Variants in EIF1 observed in about 807,000 individuals in gnomAD.
EIF1 encodes the protein protein translation factor SUI1 homolog.
A neutral mutation model predicts 13.7 loss-of-function variants in EIF1; 4 were observed. That is an observed-to-expected ratio of 0.29 (90% CI 0.14 to 0.67). The LOEUF (loss-of-function observed/expected upper bound fraction) is 0.67. Among genes scored for constraint, EIF1 ranks in the 30% least tolerant of loss-of-function variants. EIF1 has a pLI of 0.77. For synonymous variants in EIF1, 67 were observed against 50.7 expected (o/e 1.32, Z -1.37); for missense variants, 64 against 138.0 (o/e 0.46, Z 2.69).
In EIF1 at chr17:41,689,952, AGT is replaced by A. The variant is rs761506956; in HGVS notation, c.195+13_195+14del. On this transcript the variant is annotated intron_variant, in intron 2 of 3. Coordinates refer to ENST00000469257, the MANE Select transcript of EIF1 (RefSeq NM_005801.4). ...AAGGCGTTTAAGAAAGTAGGTCTTC[AGT>A]GAGATTTTGGGAAAGTCATAATGGA... The A allele has an allele frequency of 1.9e-6, 3 of 1,609,816 alleles. No individual in the cohort carries two copies. In the African/African-American group the frequency reaches 4.0e-5, roughly 22 times the overall value.
At chr17:41,690,283 T>G (rs1302298722) in intron 3 of EIF1, 94 bp downstream of exon 3, 1 of 1,041,860 alleles carries the variant, frequency 9.6e-7, no homozygotes, top group Non-Finnish European at 1.5e-6. Context: ...GTTGGCTTTG[T>G]AAGGCTGAGC....
rs930796431 is a variant in EIF1 at position 41,691,088 on chromosome 17, A to G, written c.*262A>G. On this transcript the variant is annotated 3_prime_UTR_variant, in exon 4 of 4. Coordinates refer to ENST00000469257, the MANE Select transcript of EIF1 (RefSeq NM_005801.4). Reference sequence around the variant, plus strand: ...AAGCCTGAAACCAAGCAATACCGTCATGTTTCAGCCAAGCCCAGAGCCCTA... The same window carrying G: ...AAGCCTGAAACCAAGCAATACCGTCGTGTTTCAGCCAAGCCCAGAGCCCTA... 2.3e-5 allele frequency: 13 copies of G among 563,330 alleles called. No homozygotes were observed. The African/African-American group carries it at 2.4e-4, about 11-fold the overall frequency. 34.9% of individuals were successfully genotyped at this position (563,330 alleles called of 1,614,324 possible).
chr17:41,689,113 C>T, intron 1 of EIF1, 44 bp downstream of exon 1: 2 of 1,606,362 alleles, frequency 1.2e-6, no homozygotes, highest in Non-Finnish European at 1.7e-6. Flanking sequence ...GGCAGCGGGG[C>T]CTTCCGGGCC....
intron 1 of EIF1, 45 bp downstream of exon 1, chr17:41,689,114 C>T (rs1023904962): frequency 3.0e-5 from 48 of 1,607,052 alleles, no homozygotes; most frequent in Non-Finnish European, 3.6e-5. Flanking sequence ...GCAGCGGGGC[C>T]TTCCGGGCCC....
Position 41,689,492 on chromosome 17 carries a change from C to T in EIF1, c.32-286C>T, listed in dbSNP as rs551302766. 166 of 447,202 alleles carry T rather than the reference C, an allele frequency of 3.7e-4. 1 individual carries two copies. In the East Asian group the frequency reaches 6.3e-3, roughly 17 times the overall value. The allele number at this position is 447,202 out of a possible 1,614,324, so 27.7% of individuals were successfully genotyped here. On this transcript the variant is annotated intron_variant, in intron 1 of 3. Coordinates refer to ENST00000469257, the MANE Select transcript of EIF1 (RefSeq NM_005801.4). ...CCCGCCTCGGGAGCTCGGGTTCCGG[C>T]GGGTTGCATCAGCTGGGTGGGGCAC...
chr17:41,690,572 G>A (rs1910344405), intron 3 of EIF1: 3 of 583,398 alleles, frequency 5.1e-6, no homozygotes, highest in African/African-American at 3.7e-5. Flanking sequence ...GATACCTGAT[G>A]AGTCTCATTC....
In EIF1 at chr17:41,689,774, T is replaced by C. The variant is rs867539647; in HGVS notation, c.32-4T>C. On this transcript the variant is annotated splice_polypyrimidine_tract_variant and splice_region_variant and intron_variant, in intron 1 of 3. Transcript: ENST00000469257. ...CTCTGAACGAGCTTAACCTTTTTTTTCAGACCCCTTTGCTGATGCAAGTAA... is the reference window on the plus strand; with the variant it reads ...CTCTGAACGAGCTTAACCTTTTTTTCCAGACCCCTTTGCTGATGCAAGTAA... 11 of 1,588,758 alleles carry C rather than the reference T, an allele frequency of 6.9e-6. 1 individual carries two copies. In the Middle Eastern group the frequency reaches 5.2e-4, roughly 75 times the overall value.
In EIF1 at chr17:41,691,141, T is replaced by A. The variant is rs1459081316; in HGVS notation, c.*315T>A. ...ATTACAAACAACTATGGCCGGAACCTCCTCAGCTCTCCCTCTGCAGAGTTC... is the reference window on the plus strand; with the variant it reads ...ATTACAAACAACTATGGCCGGAACCACCTCAGCTCTCCCTCTGCAGAGTTC... On this transcript the variant is annotated 3_prime_UTR_variant, in exon 4 of 4. Transcript: ENST00000469257. 10 of 518,470 alleles carry A rather than the reference T, an allele frequency of 1.9e-5. No individual in the cohort carries two copies. Among genetic ancestry groups the A allele is most frequent in the East Asian group, 1.2e-4 (4 of 34,550 alleles). 32.1% of individuals were successfully genotyped at this position (518,470 alleles called of 1,614,324 possible).
rs765967559 is a variant in EIF1, at chr17:41,690,747, C to A, written c.298-35C>A. The A allele has an allele frequency of 1.9e-6, 3 of 1,612,478 alleles. No individual in the cohort carries two copies. The Admixed American group carries it at 5.0e-5, about 27-fold the overall frequency. On this transcript the variant is annotated intron_variant, in intron 3 of 3. Coordinates refer to ENST00000469257, the MANE Select transcript of EIF1 (RefSeq NM_005801.4). ...AAATGGAGGCTTTAACTCTCCCTGT[C>A]CCCCATTTAAAACTTTGCCCTTTTG...
intron 1 of EIF1, chr17:41,689,364 G>T (rs1241204354): frequency 5.4e-6 from 3 of 553,930 alleles, no homozygotes; most frequent in Non-Finnish European, 9.6e-6. Flanking sequence ...TCACCATTGC[G>T]TCACGTCCGT....
intron 1 of EIF1, chr17:41,689,272 C>G (rs1000261615): frequency 1.4e-5 from 9 of 638,444 alleles, no homozygotes; most frequent in Admixed American, 1.2e-4. Context: ...GGCGGTAGGT[C>G]AGCCCTTGGG....
intron 1 of EIF1, chr17:41,689,416 T>C (rs2143084212): frequency 4.0e-6 from 2 of 503,502 alleles, no homozygotes; most frequent in East Asian, 3.5e-5. Flanking sequence ...GGAAAGGCGG[T>C]GCCAGCCCTA....
At position 41,690,074 on chromosome 17, in the gene EIF1, C is replaced by G. The variant is rs367554779; in HGVS notation, c.196-14C>G. 45 of 1,613,922 alleles carry G rather than the reference C, an allele frequency of 2.8e-5. No homozygotes were observed. In the African/African-American group the frequency reaches 5.1e-4, roughly 18 times the overall value. On this transcript the variant is annotated splice_polypyrimidine_tract_variant and intron_variant, in intron 2 of 3. Coordinates refer to ENST00000469257, the MANE Select transcript of EIF1 (RefSeq NM_005801.4). The stretch of plus-strand genomic sequence containing the variant: ...CTCTTGCTAGGCCTAATTCGTTTTC[C>G]TTTGTGCTTGCAGAAGTTTGCCTGC...
rs772571080 is a variant in EIF1 at position 41,692,469 on chromosome 17, A to G, written c.*1643A>G. 6 of 149,882 alleles carry G rather than the reference A, an allele frequency of 4.0e-5. No individual in the cohort carries two copies. The highest frequency in any genetic ancestry group is 1.5e-4 in the African/African-American group (6 of 39,204). The allele number at this position is 149,882 out of a possible 1,614,324, so 9.3% of individuals were successfully genotyped here. On this transcript the variant is annotated 3_prime_UTR_variant, in exon 4 of 4. Transcript: ENST00000469257. ...GTTAAAAAGGCAAAGTTCTTTCAGC[A>G]CACATATCTGCATGCAGTCACGTGC...
intron 1 of EIF1, chr17:41,689,305 C>T (rs1597718017): frequency 1.0e-5 from 6 of 598,426 alleles, no homozygotes; most frequent in Middle Eastern, 4.2e-4. Context: ...CTCAGTGGCG[C>T]ATTTACTAAT....
intron 1 of EIF1, chr17:41,689,349 T>A (rs1484745729): frequency 3.6e-6 from 2 of 563,086 alleles, no homozygotes; most frequent in South Asian, 2.2e-5. Context: ...CACCCGCCCC[T>A]CCCGTCACCA....
At position 41,690,109 on chromosome 17, in the gene EIF1, G is replaced by A. The variant is rs1301636424; in HGVS notation, c.217G>A (p.Val73Ile). The A allele has an allele frequency of 2.5e-6, 4 of 1,614,198 alleles. No individual in the cohort carries two copies. Among genetic ancestry groups the A allele is most frequent in the South Asian group, 2.2e-5 (2 of 91,082 alleles). The change falls in exon 3 of 4, where the codon GTA becomes ATA. Residue 73 changes from valine to isoleucine, a missense_variant. This residue lies in a region of EIF1 where 35 missense variants were observed against 103.4 expected (regional missense o/e 0.34). Coordinates refer to ENST00000469257, the MANE Select transcript of EIF1 (RefSeq NM_005801.4). ...FKKKFACNGT[V>I]IEHPEYGEVI... Reference sequence around the variant, plus strand: ...GCAGAAGTTTGCCTGCAATGGTACTGTAATTGAGCATCCGGAATATGGAGA... The same window carrying A: ...GCAGAAGTTTGCCTGCAATGGTACTATAATTGAGCATCCGGAATATGGAGA...
rs1253152160 is a variant in EIF1 at position 41,690,054 on chromosome 17, G to C, written c.196-34G>C. On this transcript the variant is annotated intron_variant, in intron 2 of 3. Coordinates refer to ENST00000469257, the MANE Select transcript of EIF1 (RefSeq NM_005801.4). ...GGGTGATAAATGCGTTCATGCTCTT[G>C]CTAGGCCTAATTCGTTTTCCTTTGT... The C allele has an allele frequency of 3.1e-6, 5 of 1,611,816 alleles. No homozygotes were observed. The African/African-American group carries it at 6.7e-5, about 22-fold the overall frequency.
Position 41,692,423 on chromosome 17 carries a change from GTT to G in EIF1, c.*1598_*1599del, listed in dbSNP as rs1319600418. 6.6e-6 allele frequency: 1 copy of G among 152,228 alleles called. No homozygotes were observed. Among genetic ancestry groups the G allele is most frequent in the African/African-American group, 2.4e-5 (1 of 41,448 alleles). The allele number at this position is 152,228 out of a possible 1,614,324, so 9.4% of individuals were successfully genotyped here. A position where few individuals can be genotyped will look rare whatever the true frequency, so the allele number is the denominator to read the frequency against. ...AATGGCAAGTAAAAGACCAAGTTCTGTTCCTGGGTCCATTAATTTAGTTAAAA... is the reference window on the plus strand; with the variant it reads ...AATGGCAAGTAAAAGACCAAGTTCTGCCTGGGTCCATTAATTTAGTTAAAA... On this transcript the variant is annotated 3_prime_UTR_variant, in exon 4 of 4. Coordinates refer to ENST00000469257, the MANE Select transcript of EIF1 (RefSeq NM_005801.4).
Sources: allele counts gnomAD v4.1 joint callset, GRCh38; gene constraint gnomAD v4.1.1; regional missense constraint gnomAD v4.1.1; transcripts MANE v1.5; gene names NCBI Gene and HGNC (gene_info 2026-07-23, HGNC 2026-07-21).